MYO3A: variants seen among roughly 807,000 people sequenced by gnomAD.
The protein encoded by MYO3A is myosin IIIA, also known as myosin-IIIa.
In MYO3A, 180 loss-of-function variants were observed where a neutral mutation model predicts 192.7. That is an observed-to-expected ratio of 0.93 (90% confidence interval 0.83 to 1.06). The LOEUF (loss-of-function observed/expected upper bound fraction) is 1.06. Ranked by LOEUF, MYO3A falls within the 50% of genes least tolerant of loss-of-function variation. MYO3A has a pLI of 0.00. For synonymous variants in MYO3A, 628 were observed against 645.3 expected (o/e 0.97, Z 0.41); for missense variants, 1,896 against 1,905.0 (o/e 1.00, Z 0.09).
chr10:26,005,713 C>T (rs7917238), intron 6 of MYO3A, among the ~76,000 whole-genome samples: 14,243 of 152,002 alleles, frequency 0.094, 1,170 homozygotes, highest in African/African-American at 0.21. Flanking sequence ...ATATGTAATA[C>T]ATATTAGTTG....
intron 1 of MYO3A, among the ~76,000 whole-genome samples, chr10:25,935,470 T>C (rs74129513): frequency 0.012 from 1,868 of 152,338 alleles, 51 homozygotes; most frequent in African/African-American, 0.042. Flanking sequence ...TCTTGGTGAA[T>C]TAACTAATTG....
At chr10:25,973,821 A>AC (rs1838807653) in intron 4 of MYO3A, among the ~76,000 whole-genome samples, 1 of 152,220 alleles carries the variant, frequency 6.6e-6, no homozygotes, top group Non-Finnish European at 1.5e-5. Flanking sequence ...GACAAACCAG[A>AC]CAAAAACAAG....
At chr10:26,206,738 C>T (rs1054120890) in intron 34 of MYO3A, among the ~76,000 whole-genome samples, 1 of 152,020 alleles carries the variant, frequency 6.6e-6, no homozygotes, top group East Asian at 1.9e-4. Flanking sequence ...CGTGAGCCAC[C>T]GCGCCCAGCC....
chr10:25,997,112 T>G (rs372170216), intron 5 of MYO3A, 47 bp from the exon 6 acceptor site: 7 of 1,471,030 alleles, frequency 4.8e-6, no homozygotes, highest in Non-Finnish European at 6.7e-6. Flanking sequence ...AAATTTTTAT[T>G]GTTTGATGCT....
In MYO3A at chr10:26,096,458, T is replaced by A. The variant is rs752537769; in HGVS notation, c.1640T>A (p.Leu547Gln). The A allele has an allele frequency of 1.2e-6, 2 of 1,613,666 alleles. No homozygotes were observed. The highest frequency in any genetic ancestry group is 2.7e-5 in the African/African-American group (2 of 74,926). Residue 547 changes from leucine to glutamine, a missense_variant, in exon 16 of 35, where the codon CTG becomes CAG. Transcript: ENST00000642920. ...AAGAAGAAACTAGCCCATTACAAAC[T>A]GCCTGAAAATAAGCCTCCCAGGTAA... ...AEKKKLAHYKLPENKPPRYLQ... is the reference protein window; with the variant it reads ...AEKKKLAHYKQPENKPPRYLQ...
chr10:25,982,858 C>A (rs541811896), intron 4 of MYO3A, among the ~76,000 whole-genome samples: 6 of 152,204 alleles, frequency 3.9e-5, no homozygotes, highest in African/African-American at 1.4e-4. Flanking sequence ...ACCAGAAAAA[C>A]AATTCTAGTA....
At chr10:26,111,762 T>C (rs1293085281) in intron 17 of MYO3A, among the ~76,000 whole-genome samples, 2 of 152,226 alleles carry the variant, frequency 1.3e-5, no homozygotes, top group African/African-American at 2.4e-5. Context: ...CCTTGTGAAC[T>C]GTGCCTGGCT....
chr10:26,055,837 A>G (rs963913841), intron 10 of MYO3A, among the ~76,000 whole-genome samples: 5 of 152,250 alleles, frequency 3.3e-5, no homozygotes, highest in East Asian at 1.9e-4. Context: ...ACCTAATCAT[A>G]TAACTATAGA....
intron 6 of MYO3A, among the ~76,000 whole-genome samples, chr10:26,010,058 C>A (rs535985503): frequency 2.0e-5 from 3 of 152,288 alleles, no homozygotes; most frequent in African/African-American, 7.2e-5. Context: ...GCAGACAGAG[C>A]TAGGTGCATA....
chr10:26,061,220 C>T (rs1437164441), intron 10 of MYO3A, among the ~76,000 whole-genome samples: 2 of 152,174 alleles, frequency 1.3e-5, no homozygotes, highest in Non-Finnish European at 2.9e-5. Context: ...TGAGCCACCA[C>T]GCCCGGCCGA....
chr10:26,137,898 T>C (rs1446080117), intron 20 of MYO3A, among the ~76,000 whole-genome samples: 1 of 152,176 alleles, frequency 6.6e-6, no homozygotes, highest in Non-Finnish European at 1.5e-5. Context: ...GGTTCTCTGC[T>C]CTCAAACCCT....
intron 31 of MYO3A, among the ~76,000 whole-genome samples, chr10:26,188,285 G>A (rs1269915335): frequency 1.3e-5 from 2 of 152,182 alleles, no homozygotes; most frequent in Non-Finnish European, 2.9e-5. Context: ...CTGCATAAAT[G>A]TCTTCTTTTG....
chr10:26,067,192 TA>T (rs1425310435), intron 11 of MYO3A, 118 bp downstream of exon 11: 6 of 701,584 alleles, frequency 8.6e-6, no homozygotes, highest in African/African-American at 3.5e-5. Flanking sequence ...TTAAGAATCT[TA>T]ACACTCACTC....
intron 31 of MYO3A, among the ~76,000 whole-genome samples, chr10:26,191,223 T>C (rs1259044184): frequency 6.6e-6 from 1 of 152,198 alleles, no homozygotes. Context: ...ATAGAAGCTA[T>C]TTAATAATCA....
At chr10:26,183,488 A>T (rs973117780) in intron 31 of MYO3A, among the ~76,000 whole-genome samples, 4 of 152,196 alleles carry the variant, frequency 2.6e-5, no homozygotes, top group Non-Finnish European at 5.9e-5. Context: ...GCGCCACTGC[A>T]CTCCAGCCTG....
chr10:25,990,159 C>T (rs1048799357), intron 4 of MYO3A, among the ~76,000 whole-genome samples: 6 of 152,116 alleles, frequency 3.9e-5, no homozygotes, highest in African/African-American at 1.2e-4. Context: ...AACTCCCCTA[C>T]CATGTTCCTT....
chr10:26,092,616 C>T (rs975595639), intron 15 of MYO3A, among the ~76,000 whole-genome samples: 1 of 152,210 alleles, frequency 6.6e-6, no homozygotes, highest in African/African-American at 2.4e-5. Context: ...CTTGGCTGCA[C>T]AGGTAAGCTT....
At chr10:26,156,510 T>A (rs1275034233) in intron 25 of MYO3A, among the ~76,000 whole-genome samples, 1 of 152,220 alleles carries the variant, frequency 6.6e-6, no homozygotes, top group Non-Finnish European at 1.5e-5. Flanking sequence ...CAGTTTCATA[T>A]CTATGTGAAT....
In MYO3A at chr10:25,954,990, G is replaced by T. The variant is rs1282051090; in HGVS notation, c.285G>T (p.Lys95Asn). ...AGAAGGATAAAGTAAATGGAGACAAGCTGTGGTTGGTTCTTGAGGTAAGTG... is the reference window on the plus strand; with the variant it reads ...AGAAGGATAAAGTAAATGGAGACAATCTGTGGTTGGTTCTTGAGGTAAGTG... ...YFKKDKVNGD[K>N]LWLVLELCSG... is the part of the protein sequence containing the mutation. Residue 95 changes from lysine (K) to asparagine (N), a missense_variant, in exon 4 of 35, where the codon AAG becomes AAT. Lys to Asn is a moderately conservative substitution (Grantham distance 94). Transcript: ENST00000642920. The T allele has an allele frequency of 5.0e-6, 8 of 1,613,026 alleles. No homozygotes were observed. In the Admixed American group the frequency reaches 1.0e-4, roughly 20 times the overall value.
Sources: allele counts gnomAD v4.1 joint callset (sites outside exome capture counted in the v4.1 genomes callset), GRCh38; gene constraint gnomAD v4.1.1; transcripts MANE v1.5; gene names NCBI Gene and HGNC (gene_info 2026-07-23, HGNC 2026-07-21).